Variants in TRIM31 observed in about 807,000 individuals in gnomAD.
The protein encoded by TRIM31 is E3 ubiquitin-protein ligase TRIM31.
Under a neutral mutation model 40.6 loss-of-function variants are expected in TRIM31, and 31 were observed. The ratio of observed to expected loss-of-function variants is 0.76; its 90% CI spans 0.57 to 1.03. The LOEUF (loss-of-function observed/expected upper bound fraction) is 1.03. Among genes scored for constraint, TRIM31 ranks in the 50% least tolerant of loss-of-function variants. TRIM31 has a pLI of 0.00. For missense variants in TRIM31, 455 were observed against 497.5 expected (o/e 0.91, Z 0.81); for synonymous variants, 164 against 193.9 (o/e 0.85, Z 1.28).
chr6:30,105,022 A>C (rs1768537173), intron 7 of TRIM31, 146 bp downstream of exon 7: 1 of 717,236 alleles, frequency 1.4e-6, no homozygotes, highest in Non-Finnish European at 2.4e-6. Context: ...TAAAATAATA[A>C]AACAACCATA....
chr6:30,107,278 C>A (rs1402766993), intron 6 of TRIM31, among the ~76,000 whole-genome samples: 1 of 151,524 alleles, frequency 6.6e-6, no homozygotes, highest in Non-Finnish European at 1.5e-5. Context: ...AGTGGAGATT[C>A]CCGGCTGAAT....
chr6:30,105,103 C>A (rs762568775), intron 7 of TRIM31, 65 bp downstream of exon 7: 7 of 1,428,298 alleles, frequency 4.9e-6, no homozygotes, highest in Non-Finnish European at 4.9e-6. Context: ...CATAGAGACA[C>A]AATTCTTCCC....
At chr6:30,109,373 A>T (rs1348739579) in intron 4 of TRIM31, among the ~76,000 whole-genome samples, 1 of 152,234 alleles carries the variant, frequency 6.6e-6, no homozygotes, top group Non-Finnish European at 1.5e-5. Context: ...ATGGCTTTGC[A>T]TGATCTTTCT....
At chr6:30,106,055 G>A (rs9295835) in intron 6 of TRIM31, among the ~76,000 whole-genome samples, 2,070 of 152,338 alleles carry the variant, frequency 0.014, 52 homozygotes, top group African/African-American at 0.047. Flanking sequence ...TGCAGGTAGA[G>A]GATGAGCCCA....
intron 6 of TRIM31, among the ~76,000 whole-genome samples, chr6:30,107,116 T>G (rs1768790478): frequency 6.6e-6 from 1 of 150,668 alleles, no homozygotes; most frequent in Non-Finnish European, 1.5e-5. Context: ...AATAAATAAA[T>G]AAACAAATAA....
At chr6:30,110,065 T>C (rs1769144150) in intron 4 of TRIM31, among the ~76,000 whole-genome samples, 1 of 143,488 alleles carries the variant, frequency 7.0e-6, no homozygotes, top group African/African-American at 2.6e-5. Flanking sequence ...AAACCCAGAA[T>C]GTGAAATATC....
In TRIM31 at chr6:30,103,712, C is replaced by G. The variant is rs1166595737; in HGVS notation, c.1102G>C (p.Gly368Arg). ...SHSLFRASSA[G>R]KVTFPVCLLA... ...AGACATACTGGAAAAGTGACTTTCC[C>G]AGCAGACGAGGCCCGAAACAGGGAG... is the stretch of plus-strand genomic sequence containing the variant. Residue 368 changes from glycine to arginine, a missense_variant, in exon 9 of 9, where the codon GGG (glycine) becomes CGG (arginine). By Grantham distance (125) the Gly-to-Arg change is moderately radical. Transcript: ENST00000376734. The G allele has an allele frequency of 6.2e-7, 1 of 1,613,046 alleles. No homozygotes were observed. The highest frequency in any genetic ancestry group is 8.5e-7 in the Non-Finnish European group (1 of 1,180,020).
intron 2 of TRIM31, 40 bp from the exon 3 acceptor site, chr6:30,111,783 A>C (rs746943159): frequency 1.3e-6 from 2 of 1,595,448 alleles, no homozygotes; most frequent in Non-Finnish European, 1.7e-6. Flanking sequence ...GTGCCTGGAG[A>C]TTTCTGGCCT....
At position 30,110,579 on chromosome 6, in the gene TRIM31, A is replaced by G. The variant is rs1198184499; in HGVS notation, c.613T>C (p.Trp205Arg). The change falls in exon 4 of 9, where the codon TGG becomes CGG. Residue 205 changes from tryptophan (W) to arginine (R), a missense_variant. Trp to Arg is a moderately radical substitution (Grantham distance 101). Coordinates refer to ENST00000376734, the MANE Select transcript of TRIM31 (RefSeq NM_007028.5). ...EKNFLLSRIY[W>R]LGHEGTEAGK... ...GCTTCCGTTCCCTCATGACCCAGCC[A>G]GTAAATCCGTGATAGCAGGAAATTC... The G allele has an allele frequency of 6.2e-7, 1 of 1,614,224 alleles. No individual in the cohort carries two copies. Among genetic ancestry groups the G allele is most frequent in the African/African-American group, 1.3e-5 (1 of 75,070 alleles).
chr6:30,107,695 G>A (rs574287810), intron 6 of TRIM31: 29 of 195,840 alleles, frequency 1.5e-4, no homozygotes, highest in African/African-American at 5.3e-4. Flanking sequence ...ACCAGAGAAG[G>A]AGAAGTCAGA....
chr6:30,107,820 A>G, intron 6 of TRIM31: 1 of 477,180 alleles, frequency 2.1e-6, no homozygotes. Flanking sequence ...CAGGCCCTCT[A>G]TGGCTCTCGC....
chr6:30,111,749 G>T lies in TRIM31; in HGVS notation c.418-6C>A. On this transcript the variant is annotated splice_polypyrimidine_tract_variant and splice_region_variant and intron_variant, in intron 2 of 8. Transcript: ENST00000376734. ...ATCTGCTCTTGAATCTGCCCCTGCG[G>T]AAAGAGGGCCGTTTGGACAGGCTGT... 6.2e-7 allele frequency: 1 copy of T among 1,614,150 alleles called. No homozygotes were observed. Among genetic ancestry groups the T allele is most frequent in the Non-Finnish European group, 8.5e-7 (1 of 1,179,978 alleles).
rs370411701 is a variant in TRIM31, at chr6:30,110,586, C to G, written c.606G>C (p.Arg202=). The change falls in exon 4 of 9, where the codon CGG becomes CGC. Residue 202 remains arginine (R), a synonymous_variant. Coordinates refer to ENST00000376734, the MANE Select transcript of TRIM31 (RefSeq NM_007028.5). ...LEEEKNFLLS[R]IYWLGHEGTE... ...TTCCCTCATGACCCAGCCAGTAAAT[C>G]CGTGATAGCAGGAAATTCTTCTCCT... The G allele has an allele frequency of 1.2e-6, 2 of 1,614,174 alleles. No individual in the cohort carries two copies. The highest frequency in any genetic ancestry group is 3.3e-5 in the Admixed American group (2 of 60,028).
chr6:30,105,893 A>AG (rs1023191615), intron 6 of TRIM31, among the ~76,000 whole-genome samples: 4 of 152,070 alleles, frequency 2.6e-5, no homozygotes, highest in Non-Finnish European at 4.4e-5. Flanking sequence ...AGGTGGGGTA[A>AG]GGGGGGGCCC....
At position 30,108,144 on chromosome 6, in the gene TRIM31, G is replaced by C; in HGVS notation, c.792C>G (p.Asn264Lys). The change falls in exon 6 of 9, where the codon AAC (asparagine) becomes AAG (lysine). Residue 264 changes from asparagine to lysine, a missense_variant. Asn to Lys is a moderately conservative substitution (Grantham distance 94). Transcript: ENST00000376734. The stretch of plus-strand genomic sequence containing the variant: ...CCAGTTCCAGAGGAACAGGGGTTGG[G>C]TTGAGAAACTGAAACTCTTCACTTC... Reference protein sequence around the residue: ...LCRSEEFQFLNPTPVPLELEK... With the variant: ...LCRSEEFQFLKPTPVPLELEK... 1.9e-6 allele frequency: 3 copies of C among 1,612,368 alleles called. No homozygotes were observed. Among genetic ancestry groups the C allele is most frequent in the Non-Finnish European group, 2.5e-6 (3 of 1,179,400 alleles).
intron 6 of TRIM31, 88 bp downstream of exon 6, chr6:30,107,965 T>C (rs752962977): frequency 3.4e-6 from 3 of 888,212 alleles, no homozygotes; most frequent in Admixed American, 4.2e-5. Flanking sequence ...TGTTGGCATG[T>C]ATGAGTCACA....
At chr6:30,107,059 C>T (rs1768784791) in intron 6 of TRIM31, among the ~76,000 whole-genome samples, 1 of 152,194 alleles carries the variant, frequency 6.6e-6, no homozygotes, top group East Asian at 1.9e-4. Flanking sequence ...GAGATTGCGC[C>T]ACTGCACTCT....
intron 3 of TRIM31, chr6:30,111,415 CGCGGG>C: frequency 1.9e-6 from 1 of 537,274 alleles, no homozygotes; most frequent in East Asian, 3.1e-5. Flanking sequence ...CTAAGACCAG[CGCGGG>C]TTTTCCGTGC....
intron 2 of TRIM31, 173 bp downstream of exon 2, chr6:30,112,216 A>C (rs2523987): frequency 0.11 from 71,470 of 656,410 alleles, 4,978 homozygotes; most frequent in Non-Finnish European, 0.13. Flanking sequence ...GAGAGTCAGC[A>C]GTTCCCCAGA....
Sources: allele counts gnomAD v4.1 joint callset (sites outside exome capture counted in the v4.1 genomes callset), GRCh38; gene constraint gnomAD v4.1.1; transcripts MANE v1.5; gene names NCBI Gene and HGNC (gene_info 2026-07-23, HGNC 2026-07-21).